Variants in GABRP observed in about 807,000 individuals in gnomAD.
The protein encoded by GABRP is gamma-aminobutyric acid type A receptor subunit pi.
GABRP carries 52 observed loss-of-function variants against 47.8 expected under a neutral mutation model. The ratio of observed to expected loss-of-function variants is 1.09; its 90% CI spans 0.87 to 1.37. The LOEUF is 1.37. Among genes scored for constraint, GABRP ranks in the 40% most tolerant of loss-of-function variants. The probability of loss-of-function intolerance (pLI) is 0.00; values close to 1 mark genes in which losing one functional copy is unlikely to be tolerated. For synonymous variants in GABRP, 221 were observed against 205.8 expected (o/e 1.07, Z -0.63); for missense variants, 525 against 542.8 (o/e 0.97, Z 0.33).
chr5:170,783,145 C>T (rs573139587), upstream of GABRP, among the ~76,000 whole-genome samples: 10 of 152,222 alleles, frequency 6.6e-5, no homozygotes, highest in East Asian at 3.9e-4. Flanking sequence ...TGTGTCTCCC[C>T]GCCTCCTCCT....
chr5:170,802,733 T>A (rs1765628705), intron 6 of GABRP, among the ~76,000 whole-genome samples: 1 of 149,654 alleles, frequency 6.7e-6, no homozygotes, highest in Non-Finnish European at 1.5e-5. Flanking sequence ...ACATATACCA[T>A]CCCCAGTGAG....
intron 3 of GABRP, among the ~76,000 whole-genome samples, chr5:170,792,780 T>A (rs921445805): frequency 7.9e-5 from 12 of 152,234 alleles, no homozygotes; most frequent in Non-Finnish European, 1.5e-4. Context: ...CTCCTTAGAT[T>A]AATAAGTAGT....
chr5:170,785,321 C>T (rs375875680), intron 1 of GABRP, among the ~76,000 whole-genome samples: 24 of 152,290 alleles, frequency 1.6e-4, no homozygotes, highest in African/African-American at 5.8e-4. Flanking sequence ...TTAAATCATG[C>T]CACTTAACTG....
Position 170,794,265 on chromosome 5 carries a change from T to C in GABRP, c.207T>C (p.Ile69=). The stretch of plus-strand genomic sequence containing the variant: ...TACAGATAGCGCTGACTCTGGACAT[T>C]GCAAGTATCTCTAGCATTTCAGAGA... ...EPVQIALTLD[I]ASISSISESN... Residue 69 remains isoleucine, a synonymous_variant, in exon 4 of 10, where the codon ATT becomes ATC. Transcript: ENST00000265294. 9 of 1,612,548 alleles carry C rather than the reference T, an allele frequency of 5.6e-6. No homozygotes were observed. The highest frequency in any genetic ancestry group is 2.2e-5 in the East Asian group (1 of 44,852).
At chr5:170,809,464 G>A (rs1765824349) in intron 8 of GABRP, 104 bp from the exon 9 acceptor site, 3 of 1,074,894 alleles carry the variant, frequency 2.8e-6, no homozygotes, top group South Asian at 2.8e-5. Flanking sequence ...CCATTTCTGG[G>A]TCTTGCCCTC....
intron 7 of GABRP, among the ~76,000 whole-genome samples, chr5:170,806,142 T>A (rs1024053454): frequency 2.6e-5 from 4 of 152,168 alleles, no homozygotes; most frequent in African/African-American, 9.7e-5. Flanking sequence ...TATTCATATT[T>A]CTCACTGGAA....
intron 1 of GABRP, among the ~76,000 whole-genome samples, chr5:170,784,197 C>G (rs529414173): frequency 6.6e-6 from 1 of 152,182 alleles, no homozygotes; most frequent in Non-Finnish European, 1.5e-5. Context: ...TAACCTAATT[C>G]GGGCTCTACT....
Position 170,808,717 on chromosome 5 carries a change from T to A in GABRP, c.797T>A (p.Ile266Asn), listed in dbSNP as rs1425003279. Residue 266 changes from isoleucine to asparagine, a missense_variant, in exon 8 of 10, where the codon ATC becomes AAC. Physicochemically the swap from Ile to Asn is moderately radical, Grantham distance 149 (BLOSUM62 -3). Transcript: ENST00000265294. ...LVVLSWVSFW[I>N]SLDSVPARTC... ...GTGTTGTCCTGGGTTTCATTTTGGA[T>A]CTCTCTCGATTCAGTCCCTGCAAGA... is the stretch of plus-strand genomic sequence containing the variant. The A allele has an allele frequency of 2.5e-6, 4 of 1,614,060 alleles. No individual in the cohort carries two copies. Among genetic ancestry groups the A allele is most frequent in the Non-Finnish European group, 3.4e-6 (4 of 1,180,014 alleles).
chr5:170,796,977 C>T (rs565949127), intron 5 of GABRP, among the ~76,000 whole-genome samples: 1 of 152,312 alleles, frequency 6.6e-6, no homozygotes, highest in South Asian at 2.1e-4. Context: ...GCCTCTGCAT[C>T]CTGGTTCCCA....
Position 170,794,231 on chromosome 5 carries a change from G to A in GABRP, c.173G>A (p.Gly58Glu). The stretch of plus-strand genomic sequence containing the variant: ...TCTTTCTTGTTTTTTTTTATCTTAG[G>A]AGAACCCGTACAGATAGCGCTGACT... ...YNKFLRPNFGGEPVQIALTLD... is the reference protein window; with the variant it reads ...YNKFLRPNFGEEPVQIALTLD... The change falls in exon 4 of 10, where the codon GGA (glycine) becomes GAA (glutamate). Residue 58 changes from glycine (G) to glutamate (E), a missense_variant and splice_region_variant. By Grantham distance (98) the Gly-to-Glu change is moderately conservative (BLOSUM62 -2). Coordinates refer to ENST00000265294, the MANE Select transcript of GABRP (RefSeq NM_014211.3). The A allele has an allele frequency of 1.9e-6, 3 of 1,603,482 alleles. No individual in the cohort carries two copies. Among genetic ancestry groups the A allele is most frequent in the Non-Finnish European group, 2.6e-6 (3 of 1,173,128 alleles).
intron 1 of GABRP, among the ~76,000 whole-genome samples, chr5:170,785,558 C>G (rs1420853522): frequency 2.0e-5 from 3 of 152,198 alleles, no homozygotes; most frequent in African/African-American, 2.4e-5. Flanking sequence ...ATTTCTGGCT[C>G]TAGCCTGGGT....
chr5:170,808,306 C>A (rs1158149870), intron 7 of GABRP, among the ~76,000 whole-genome samples: 1 of 152,116 alleles, frequency 6.6e-6, no homozygotes, highest in African/African-American at 2.4e-5. Flanking sequence ...TGTTTGCCCC[C>A]AAGGAACTCA....
chr5:170,811,879 T>A (rs1002430334), intron 9 of GABRP, 77 bp from the exon 10 acceptor site: 1 of 1,371,932 alleles, frequency 7.3e-7, no homozygotes, highest in Admixed American at 2.0e-5. Context: ...GCCTCTAAAC[T>A]TTTTATTAGC....
intron 1 of GABRP, among the ~76,000 whole-genome samples, chr5:170,786,047 T>C (rs1765123365): frequency 6.6e-6 from 1 of 152,232 alleles, no homozygotes; most frequent in Non-Finnish European, 1.5e-5. Flanking sequence ...TATTAGAGGA[T>C]GCTGTAGGGA....
chr5:170,787,492 C>T (rs1284015484), intron 1 of GABRP, among the ~76,000 whole-genome samples: 1 of 152,204 alleles, frequency 6.6e-6, no homozygotes, highest in Non-Finnish European at 1.5e-5. Context: ...ATGGTCCTCA[C>T]ATACACACCA....
chr5:170,783,784 A>G lies in GABRP; in HGVS notation c.-133A>G, dbSNP rs967372056. ...AGGGGACAGGGCTGAGGATGAGGAG[A>G]ACCCTGGGGACCCAGAAGACCGTGC... On this transcript the variant is annotated 5_prime_UTR_variant, in exon 1 of 10. Coordinates refer to ENST00000265294, the MANE Select transcript of GABRP (RefSeq NM_014211.3). 1.3e-5 allele frequency: 2 copies of G among 152,272 alleles called. No individual in the cohort carries two copies. Among genetic ancestry groups the G allele is most frequent in the African/African-American group, 2.4e-5 (1 of 41,428 alleles). 9.4% of individuals were successfully genotyped at this position (152,272 alleles called of 1,614,324 possible).
At position 170,790,121 on chromosome 5, in the gene GABRP, G is replaced by A. The variant is rs1352196966; in HGVS notation, c.172+874G>A. On this transcript the variant is annotated intron_variant, in intron 3 of 9. Transcript: ENST00000265294. ...TCACTATCCCCCATAGAAGCTCAGT[G>A]CGTGACATATAACAAATTGCTGATT... 5.3e-5 allele frequency among the ~76,000 whole-genome samples: 8 copies of A among 152,172 alleles called. No individual in the cohort carries two copies. The East Asian group carries it at 1.3e-3, about 26-fold the overall frequency.
chr5:170,797,499 G>T lies in GABRP; in HGVS notation c.492G>T (p.Leu164=). 6.2e-7 allele frequency: 1 copy of T among 1,613,042 alleles called. No homozygotes were observed. The part of the protein sequence containing the change: ...ITTTVACNMD[L]SKYPMDTQTC... ...CAACTGTTGCATGTAACATGGATCTGTCTAAATACCCCATGGACACACAGA... is the reference window on the plus strand; with the variant it reads ...CAACTGTTGCATGTAACATGGATCTTTCTAAATACCCCATGGACACACAGA... Residue 164 remains leucine (L), a synonymous_variant, in exon 6 of 10, where the codon CTG becomes CTT. Coordinates refer to ENST00000265294, the MANE Select transcript of GABRP (RefSeq NM_014211.3).
intron 4 of GABRP, among the ~76,000 whole-genome samples, chr5:170,794,618 G>A (rs1765372925): frequency 6.6e-6 from 1 of 152,060 alleles, no homozygotes; most frequent in South Asian, 2.1e-4. Flanking sequence ...ATAAAATTTG[G>A]GGAAAGGAAT....
Sources: gnomAD v4.1 joint callset for allele counts (sites outside exome capture counted in the v4.1 genomes callset) on GRCh38, gnomAD v4.1.1 for gene constraint, MANE v1.5 for transcripts, NCBI Gene and HGNC (gene_info 2026-07-23, HGNC 2026-07-21) for gene names.